Variants in SOX6 observed in about 807,000 individuals in gnomAD.
SOX6 encodes the protein SRY-box transcription factor 6.
SOX6 carries 11 observed loss-of-function variants against 97.8 expected under a neutral mutation model. The ratio of observed to expected loss-of-function variants is 0.11; its 90% CI spans 0.07 to 0.19. The LOEUF (loss-of-function observed/expected upper bound fraction) is 0.19, where lower values mean the gene tolerates loss of function less well. SOX6 is among the 10% of genes least tolerant of loss of function. The pLI is 1.00. For synonymous variants in SOX6, 360 were observed against 371.4 expected, an observed-to-expected ratio of 0.97 and a Z score of 0.35; for missense variants, 810 against 1,039.5, an observed-to-expected ratio of 0.78 and a Z score of 3.04.
In SOX6 at chr11:16,183,780, T is replaced by C. The variant is rs964424329; in HGVS notation, c.777+106A>G. On this transcript the variant is annotated intron_variant, in intron 6 of 15. Coordinates refer to ENST00000683767, the MANE Select transcript of SOX6 (RefSeq NM_001367873.1). ...CACAACATCCTTGAAAACAGCCTTA[T>C]TGGTGCTGTTTATAAGACAGGGGTA... The C allele has an allele frequency of 1.8e-5, 17 of 939,826 alleles. 1 individual carries two copies. Among genetic ancestry groups the C allele is most frequent in the Admixed American group, 1.5e-4 (8 of 54,022 alleles). 58.2% of individuals were successfully genotyped at this position (939,826 alleles called of 1,614,324 possible). A position where few individuals can be genotyped will look rare whatever the true frequency, so the allele number is the denominator to read the frequency against.
At chr11:16,533,853 A>G (rs927677771) in intron 4 of SOX6, among the ~76,000 whole-genome samples, 2 of 152,230 alleles carry the variant, frequency 1.3e-5, no homozygotes, top group South Asian at 4.1e-4. Flanking sequence ...AAAAATTCAC[A>G]TAAAAATAAA....
intron 7 of SOX6, among the ~76,000 whole-genome samples, chr11:16,106,763 AACTTTAGTGT>A (rs1849098223): frequency 6.6e-6 from 1 of 152,088 alleles, no homozygotes; most frequent in Non-Finnish European, 1.5e-5. Flanking sequence ...CAAAATTAAG[AACTTTAGTGT>A]ATAAAAAGAT....
At chr11:16,094,875 C>G (rs1380423976) in intron 9 of SOX6, among the ~76,000 whole-genome samples, 2 of 151,816 alleles carry the variant, frequency 1.3e-5, no homozygotes, top group South Asian at 4.1e-4. Context: ...TGGAATTCTA[C>G]CTTAGGCTAC....
chr11:16,641,590 C>T (rs1848915275), intron 3 of SOX6, among the ~76,000 whole-genome samples: 1 of 152,158 alleles, frequency 6.6e-6, no homozygotes, highest in African/African-American at 2.4e-5. Flanking sequence ...CTGGGTGCTC[C>T]TGTATTGGGT....
chr11:16,498,526 G>T (rs537246891), intron 4 of SOX6, among the ~76,000 whole-genome samples: 1 of 151,974 alleles, frequency 6.6e-6, no homozygotes. Flanking sequence ...ATTGGATAAA[G>T]AGTCAAGACC....
At chr11:16,387,350 G>A (rs1378071388) in intron 1 of SOX6, among the ~76,000 whole-genome samples, 4 of 151,972 alleles carry the variant, frequency 2.6e-5, no homozygotes, top group Non-Finnish European at 5.9e-5. Context: ...AAAATGTAAG[G>A]TGACTGCAAA....
chr11:16,499,114 G>A lies in SOX6; in HGVS notation n.610-22726C>T, dbSNP rs1860659069. On this transcript the variant is annotated intron_variant and non_coding_transcript_variant, in intron 4 of 5. Transcript: ENST00000524520. ...AGAAATTATAACAAACTGTCTCTCA[G>A]ACCACAGTGCAATCAAACTAGAACT... Among the ~76,000 whole-genome samples, 3 of 152,166 alleles carry A rather than the reference G, an allele frequency of 2.0e-5. No homozygotes were observed. The South Asian group carries it at 6.2e-4, about 32-fold the overall frequency.
At chr11:16,557,259 T>C (rs1415692446) in intron 4 of SOX6, among the ~76,000 whole-genome samples, 4 of 151,824 alleles carry the variant, frequency 2.6e-5, no homozygotes, top group Non-Finnish European at 5.9e-5. Context: ...TTAGGAACTT[T>C]TCCATATGGC....
intron 3 of SOX6, among the ~76,000 whole-genome samples, chr11:16,612,844 C>T (rs1268489669): frequency 6.6e-6 from 1 of 152,108 alleles, no homozygotes; most frequent in Admixed American, 6.6e-5. Flanking sequence ...GGAACCTTAC[C>T]TGCAGCACCA....
intron 1 of SOX6, among the ~76,000 whole-genome samples, chr11:16,387,767 T>G (rs1206090936): frequency 6.6e-6 from 1 of 152,134 alleles, no homozygotes; most frequent in African/African-American, 2.4e-5. Context: ...TAATTTTAAT[T>G]TGTAAAAGTT....
At chr11:16,644,968 G>A (rs528865056) in intron 3 of SOX6, among the ~76,000 whole-genome samples, 26 of 152,268 alleles carry the variant, frequency 1.7e-4, no homozygotes, top group Admixed American at 1.6e-3. Context: ...CAATCAGAGG[G>A]TTTAACAAAA....
chr11:16,045,914 T>A (rs1855814394), intron 12 of SOX6, among the ~76,000 whole-genome samples: 1 of 152,216 alleles, frequency 6.6e-6, no homozygotes, highest in African/African-American at 2.4e-5. Context: ...TATTTCTTCA[T>A]TGTCTGTGTT....
At chr11:16,446,057 C>T (rs1429298730) in intron 1 of SOX6, among the ~76,000 whole-genome samples, 2 of 151,958 alleles carry the variant, frequency 1.3e-5, no homozygotes, top group Non-Finnish European at 2.9e-5. Context: ...GCAGAATAGA[C>T]GTTATTTTTC....
intron 3 of SOX6, among the ~76,000 whole-genome samples, chr11:16,298,612 A>G (rs1855165314): frequency 6.6e-6 from 1 of 152,170 alleles, no homozygotes; most frequent in African/African-American, 2.4e-5. Context: ...AAGCCAAAAG[A>G]TATAATTGAA....
At chr11:16,096,949 AG>A (rs1235245877) in intron 8 of SOX6, among the ~76,000 whole-genome samples, 1 of 151,870 alleles carries the variant, frequency 6.6e-6, no homozygotes, top group African/African-American at 2.4e-5. Context: ...TAGTAGTAGA[AG>A]GGTATAATGA....
In SOX6 at chr11:16,097,629, G is replaced by A. The variant is rs775479083; in HGVS notation, c.958C>T (p.Leu320Phe). The change falls in exon 8 of 16, where the codon CTC becomes TTC. Residue 320 changes from leucine (L) to phenylalanine (F), a missense_variant. Around this residue, in one of 9 missense-constraint regions of SOX6, gnomAD observed 244 missense variants for 261.0 expected, o/e 0.93. Transcript: ENST00000683767. ...STMAAAAASGLSPLQLQKGHV... is the reference protein window; with the variant it reads ...STMAAAAASGFSPLQLQKGHV... ...CTTACCTGGAGCTGTAAAGGGCTGA[G>A]TCCAGAAGCAGCAGCAGCTGCCATT... 25 of 1,611,046 alleles carry A rather than the reference G, an allele frequency of 1.6e-5. No individual in the cohort carries two copies. Among genetic ancestry groups the A allele is most frequent in the Non-Finnish European group, 1.9e-5 (22 of 1,178,018 alleles).
intron 1 of SOX6, among the ~76,000 whole-genome samples, chr11:16,417,267 T>G (rs989114179): frequency 6.6e-6 from 1 of 152,170 alleles, no homozygotes; most frequent in Non-Finnish European, 1.5e-5. Context: ...TAACCATCCA[T>G]ACCCCTGGCC....
chr11:16,198,703 G>A (rs917366096), intron 4 of SOX6, among the ~76,000 whole-genome samples: 4 of 152,092 alleles, frequency 2.6e-5, no homozygotes, highest in East Asian at 1.9e-4. Flanking sequence ...GAATTTAAAC[G>A]TAATACTTTA....
intron 6 of SOX6, among the ~76,000 whole-genome samples, chr11:16,154,340 C>T (rs988159422): frequency 2.6e-5 from 4 of 151,834 alleles, no homozygotes; most frequent in African/African-American, 7.3e-5. Context: ...GAATAATAAC[C>T]CCCCTAATTA....
Sources: allele counts gnomAD v4.1 joint callset (sites outside exome capture counted in the v4.1 genomes callset), GRCh38; gene constraint gnomAD v4.1.1; regional missense constraint gnomAD v4.1.1; transcripts MANE v1.5; gene names NCBI Gene and HGNC (gene_info 2026-07-23, HGNC 2026-07-21).